Variants in ANO3 observed in about 807,000 individuals in gnomAD.
The protein encoded by ANO3 is anoctamin-3.
In ANO3, 99 loss-of-function variants were observed where a neutral mutation model predicts 144.8. The ratio of observed to expected loss-of-function variants is 0.68; its 90% CI spans 0.58 to 0.81. The LOEUF (loss-of-function observed/expected upper bound fraction) is 0.81. Among genes scored for constraint, ANO3 ranks in the 30% least tolerant of loss-of-function variants. The pLI is 0.00. For synonymous variants in ANO3, 414 were observed against 392.6 expected, an observed-to-expected ratio of 1.05 and a Z score of -0.64; for missense variants, 905 against 1,202.2, an observed-to-expected ratio of 0.75 and a Z score of 3.66.
At chr11:26,635,624 G>C (rs1329857560) in intron 20 of ANO3, among the ~76,000 whole-genome samples, 5 of 152,106 alleles carry the variant, frequency 3.3e-5, no homozygotes, top group East Asian at 1.9e-4. Flanking sequence ...GTGTGAGCCT[G>C]CTTCTTCAGT....
chr11:26,297,799 A>G (rs947631539), intron 1 of ANO3, among the ~76,000 whole-genome samples: 4 of 152,190 alleles, frequency 2.6e-5, no homozygotes, highest in African/African-American at 7.2e-5. Flanking sequence ...CAACAATGCA[A>G]TGAGGCAGTC....
At chr11:26,346,231 G>A (rs887920602) in intron 1 of ANO3, among the ~76,000 whole-genome samples, 1 of 152,176 alleles carries the variant, frequency 6.6e-6, no homozygotes, top group Non-Finnish European at 1.5e-5. Flanking sequence ...GATATATTAT[G>A]TTTAAGCTTG....
chr11:26,491,501 C>T (rs1357678781), intron 4 of ANO3, among the ~76,000 whole-genome samples: 1 of 152,156 alleles, frequency 6.6e-6, no homozygotes. Context: ...TAAGCTGGTA[C>T]AATCTGCCTC....
chr11:26,296,274 GT>G (rs1321061430), intron 1 of ANO3, among the ~76,000 whole-genome samples: 1 of 152,158 alleles, frequency 6.6e-6, no homozygotes, highest in Admixed American at 6.5e-5. Context: ...CAAGTTGGCA[GT>G]TTTTTATCAA....
At chr11:26,409,330 T>C (rs1185362306) in intron 1 of ANO3, among the ~76,000 whole-genome samples, 1 of 151,844 alleles carries the variant, frequency 6.6e-6, no homozygotes. Flanking sequence ...TCAACAAACA[T>C]AGACATATTA....
chr11:26,259,413 G>A (rs938862220), intron 1 of ANO3, among the ~76,000 whole-genome samples: 6 of 152,086 alleles, frequency 3.9e-5, no homozygotes, highest in African/African-American at 1.2e-4. Flanking sequence ...TCTTTGGGAG[G>A]CCGAGGCAGG....
intron 17 of ANO3, among the ~76,000 whole-genome samples, chr11:26,624,013 C>A (rs569698164): frequency 6.6e-6 from 1 of 152,112 alleles, no homozygotes; most frequent in Non-Finnish European, 1.5e-5. Flanking sequence ...GTCTCGATCT[C>A]CTGACTTCGT....
intron 1 of ANO3, among the ~76,000 whole-genome samples, chr11:26,392,081 G>A (rs1856896326): frequency 6.6e-6 from 1 of 152,002 alleles, no homozygotes; most frequent in African/African-American, 2.4e-5. Context: ...TCTGAGGGGA[G>A]AGAGACACAC....
intron 12 of ANO3, among the ~76,000 whole-genome samples, chr11:26,548,825 C>T (rs445875): frequency 0.66 from 99,957 of 151,642 alleles, 33,227 homozygotes; most frequent in East Asian, 0.83. Context: ...AAGGTAGCAT[C>T]TTCCTGAACA....
At chr11:26,405,259 A>G (rs1186186434) in intron 1 of ANO3, among the ~76,000 whole-genome samples, 4 of 151,664 alleles carry the variant, frequency 2.6e-5, no homozygotes, top group Non-Finnish European at 1.5e-5. Flanking sequence ...GAAATAACCC[A>G]TTTCTAGAAT....
At chr11:26,209,290 C>T (rs1485025845) in intron 1 of ANO3, among the ~76,000 whole-genome samples, 1 of 152,184 alleles carries the variant, frequency 6.6e-6, no homozygotes, top group African/African-American at 2.4e-5. Context: ...TGATGGTTTC[C>T]AGCTTCATCC....
At chr11:26,262,258 T>C (rs918119760) in intron 1 of ANO3, among the ~76,000 whole-genome samples, 5 of 152,244 alleles carry the variant, frequency 3.3e-5, no homozygotes, top group Non-Finnish European at 7.3e-5. Context: ...TTTTTATCTA[T>C]GTACTCTTCT....
intron 3 of ANO3, among the ~76,000 whole-genome samples, chr11:26,450,624 G>T (rs1216940984): frequency 6.6e-6 from 1 of 152,084 alleles, no homozygotes; most frequent in Non-Finnish European, 1.5e-5. Context: ...TTACTACTTG[G>T]GTACACACCA....
chr11:26,229,065 T>C (rs867191891), intron 1 of ANO3, among the ~76,000 whole-genome samples: 6 of 151,882 alleles, frequency 4.0e-5, no homozygotes, highest in Non-Finnish European at 8.8e-5. Context: ...CCCACAGCAA[T>C]CTTTTCAGGC....
chr11:26,514,922 A>T (rs1177299204), intron 5 of ANO3, among the ~76,000 whole-genome samples: 2 of 152,046 alleles, frequency 1.3e-5, no homozygotes, highest in Non-Finnish European at 2.9e-5. Flanking sequence ...ATGGAAAAAA[A>T]GTCACGGTCT....
chr11:26,494,316 G>C (rs1324206190), intron 4 of ANO3, among the ~76,000 whole-genome samples: 2 of 152,018 alleles, frequency 1.3e-5, no homozygotes, highest in African/African-American at 2.4e-5. Flanking sequence ...TTGTCATTCA[G>C]CTAGCACCTA....
intron 8 of ANO3, among the ~76,000 whole-genome samples, chr11:26,532,326 C>T (rs911496320): frequency 2.6e-4 from 39 of 152,196 alleles, no homozygotes; most frequent in African/African-American, 7.7e-4. Context: ...GAGAGTTTCA[C>T]GGAAGCTTTT....
chr11:26,376,949 G>A lies in ANO3; in HGVS notation c.46+44628G>A, dbSNP rs566267735. On this transcript the variant is annotated intron_variant, in intron 1 of 26. Transcript: ENST00000256737. ...GAATGGGCTAGAGGAAACATGTTCT[G>A]CAGTGAAGGCAAGAGAATTTGTTTG... 1.3e-4 allele frequency among the ~76,000 whole-genome samples: 20 copies of A among 152,228 alleles called. No individual in the cohort carries two copies. In the South Asian group the frequency reaches 4.1e-3, roughly 32 times the overall value.
At chr11:26,525,491 G>T in intron 6 of ANO3, 144 bp from the exon 7 acceptor site, 2 of 645,616 alleles carry the variant, frequency 3.1e-6, no homozygotes, top group East Asian at 3.0e-5. Flanking sequence ...CTCATAGTAT[G>T]CTGGGTTATT....
Sources: allele counts gnomAD v4.1 joint callset (sites outside exome capture counted in the v4.1 genomes callset), GRCh38; gene constraint gnomAD v4.1.1; transcripts MANE v1.5; gene names NCBI Gene and HGNC (gene_info 2026-07-23, HGNC 2026-07-21).